Variants in CSNK1G1 observed in about 807,000 individuals in gnomAD.
CSNK1G1 encodes the protein casein kinase 1 gamma 1.
In CSNK1G1, 22 loss-of-function variants were observed where a neutral mutation model predicts 59.6. The observed-to-expected ratio is 0.37, with a 90% CI of 0.26 to 0.53. The LOEUF (loss-of-function observed/expected upper bound fraction) is 0.53, where lower values mean the gene tolerates loss of function less well. CSNK1G1 is among the 20% of genes least tolerant of loss of function. The pLI, the probability that CSNK1G1 is intolerant of heterozygous loss-of-function variation, is 0.89. For missense variants in CSNK1G1, 384 were observed against 519.5 expected (o/e 0.74, Z 2.54); for synonymous variants, 179 against 177.1 (o/e 1.01, Z -0.08).
Position 64,283,927 on chromosome 15 carries a change from T to G in CSNK1G1, c.181+16392A>C, listed in dbSNP as rs188876692. On this transcript the variant is annotated intron_variant, in intron 2 of 11. Transcript: ENST00000303052. ...ACTGGCAAATATGAGGGCAGTAAGA[T>G]TCATCCTTATGTTTGTTTTTTTTAA... 1.4e-4 allele frequency among the ~76,000 whole-genome samples: 21 copies of G among 152,340 alleles called. No individual in the cohort carries two copies. The East Asian group carries it at 3.9e-3, about 28-fold the overall frequency.
intron 2 of CSNK1G1, among the ~76,000 whole-genome samples, chr15:64,287,781 A>G (rs1031992084): frequency 2.0e-5 from 3 of 152,234 alleles, no homozygotes; most frequent in Non-Finnish European, 2.9e-5. Flanking sequence ...ACCAGAATAC[A>G]CAAAAGTATG....
At chr15:64,309,309 A>AAC (rs66467610) in intron 1 of CSNK1G1, among the ~76,000 whole-genome samples, 7,228 of 146,314 alleles carry the variant, frequency 0.049, 179 homozygotes, top group South Asian at 0.068. Flanking sequence ...TAGTGAATAA[A>AAC]ACACACACAC....
At chr15:64,309,031 A>T (rs2140418265) in intron 1 of CSNK1G1, among the ~76,000 whole-genome samples, 1 of 152,258 alleles carries the variant, frequency 6.6e-6, no homozygotes, top group East Asian at 1.9e-4. Flanking sequence ...CAAGGCTTCC[A>T]AAGGGCCCTG....
chr15:64,335,640 C>A (rs1195871678), intron 1 of CSNK1G1: 1 of 152,030 alleles, frequency 6.6e-6, no homozygotes, highest in African/African-American at 2.4e-5. Flanking sequence ...CTTTAATAAC[C>A]AACTTTAACA....
chr15:64,223,461 T>A (rs1031616251), intron 4 of CSNK1G1, among the ~76,000 whole-genome samples: 1 of 152,132 alleles, frequency 6.6e-6, no homozygotes, highest in Non-Finnish European at 1.5e-5. Context: ...GCAAGGAAGA[T>A]ATGTGCTGGA....
chr15:64,182,215 C>T (rs7161824), intron 10 of CSNK1G1, among the ~76,000 whole-genome samples: 116 of 151,916 alleles, frequency 7.6e-4, no homozygotes, highest in African/African-American at 2.5e-3. Context: ...AGGTATGTGC[C>T]ACCACACCTG....
intron 3 of CSNK1G1, among the ~76,000 whole-genome samples, chr15:64,253,452 AC>A (rs527332874): frequency 5.5e-4 from 84 of 152,234 alleles, no homozygotes; most frequent in Middle Eastern, 3.4e-3. Context: ...AGAAACTGGA[AC>A]CCTTGTGCAC....
chr15:64,271,239 C>T (rs1016440703), intron 2 of CSNK1G1, among the ~76,000 whole-genome samples: 1 of 151,810 alleles, frequency 6.6e-6, no homozygotes, highest in African/African-American at 2.4e-5. Context: ...CCGCCTGTCT[C>T]AGCCTGCCAA....
At chr15:64,296,092 C>A (rs192304995) in intron 2 of CSNK1G1, among the ~76,000 whole-genome samples, 1 of 152,104 alleles carries the variant, frequency 6.6e-6, no homozygotes, top group Non-Finnish European at 1.5e-5. Context: ...CTTTATTAAC[C>A]TTCTCTGCCA....
chr15:64,207,607 A>G lies in CSNK1G1; in HGVS notation c.680-13T>C, dbSNP rs1388144644. ...CTCCGGCTTTGCTCTAAAAGGGAAG[A>G]CAGATCACACATTATGTTTGCAGTT... On this transcript the variant is annotated splice_polypyrimidine_tract_variant and intron_variant, in intron 6 of 11. Coordinates refer to ENST00000303052, the MANE Select transcript of CSNK1G1 (RefSeq NM_022048.5). 6.3e-7 allele frequency: 1 copy of G among 1,589,380 alleles called. No individual in the cohort carries two copies.
rs964200139 is a variant in CSNK1G1 at position 64,354,853 on chromosome 15, A to G, written c.-225+1135T>C. Among the ~76,000 whole-genome samples, 4 of 152,234 alleles carry G rather than the reference A, an allele frequency of 2.6e-5. No individual in the cohort carries two copies. In the East Asian group the frequency reaches 7.7e-4, roughly 29 times the overall value. The stretch of plus-strand genomic sequence containing the variant: ...CAGTAACTAGCAACTGGCATAGTCT[A>G]GGTTCAACCCAAGATTTATCTGCCT... On this transcript the variant is annotated intron_variant, in intron 1 of 11. Transcript: ENST00000303052.
At position 64,278,427 on chromosome 15, in the gene CSNK1G1, TATATA is replaced by T. The variant is rs764028496; in HGVS notation, c.182-19191_182-19187del. On this transcript the variant is annotated intron_variant, in intron 2 of 11. Transcript: ENST00000303052. ...GTGTGTGTGTGTGTGTGTATATATA[TATATA>T]TTTTTTTTTTTTTGGACACAGAGTC... 5.6e-4 allele frequency among the ~76,000 whole-genome samples: 74 copies of T among 131,406 alleles called. 1 individual carries two copies. The highest frequency in any genetic ancestry group is 1.5e-3 in the African/African-American group (42 of 27,698). 86.2% of individuals were successfully genotyped at this position (131,406 alleles called of 152,430 possible).
chr15:64,242,388 T>G (rs1054038659), intron 4 of CSNK1G1, among the ~76,000 whole-genome samples: 13 of 152,110 alleles, frequency 8.5e-5, no homozygotes, highest in African/African-American at 3.1e-4. Context: ...GGTCATTTTT[T>G]CCCCCACTTT....
At chr15:64,212,603 C>G (rs2082262143) in intron 6 of CSNK1G1, among the ~76,000 whole-genome samples, 1 of 152,178 alleles carries the variant, frequency 6.6e-6, no homozygotes, top group Non-Finnish European at 1.5e-5. Context: ...GTAACCCTAG[C>G]TACTGAGGCT....
At chr15:64,215,313 C>T (rs908158807) in intron 5 of CSNK1G1, among the ~76,000 whole-genome samples, 1 of 149,674 alleles carries the variant, frequency 6.7e-6, no homozygotes, top group South Asian at 2.1e-4. Flanking sequence ...CCTGGGTTCA[C>T]GCCATTCTCC....
intron 1 of CSNK1G1, among the ~76,000 whole-genome samples, chr15:64,351,398 T>G (rs1015298346): frequency 6.6e-6 from 1 of 152,220 alleles, no homozygotes; most frequent in Non-Finnish European, 1.5e-5. Flanking sequence ...TAAACAAAGG[T>G]TTAGTCATTT....
Position 64,216,559 on chromosome 15 carries a change from T to C in CSNK1G1, c.444+3A>G. The C allele has an allele frequency of 1.9e-6, 3 of 1,613,584 alleles. No individual in the cohort carries two copies. The highest frequency in any genetic ancestry group is 1.1e-5 in the South Asian group (1 of 91,056). Reference sequence around the variant, plus strand: ...CTCTTCTAGAAGAGCAATTCCAACTTACCAGCTGGATGGCTATCATTAACA... The same window carrying C: ...CTCTTCTAGAAGAGCAATTCCAACTCACCAGCTGGATGGCTATCATTAACA... On this transcript the variant is annotated splice_donor_region_variant and intron_variant, in intron 5 of 11. Coordinates refer to ENST00000303052, the MANE Select transcript of CSNK1G1 (RefSeq NM_022048.5). The surrounding 1 kb of genome is among the most constrained non-coding windows in gnomAD (Gnocchi z 4.6).
At chr15:64,309,890 G>A (rs1296529652) in intron 1 of CSNK1G1, among the ~76,000 whole-genome samples, 1 of 151,972 alleles carries the variant, frequency 6.6e-6, no homozygotes, top group Admixed American at 6.6e-5. Flanking sequence ...CAAGATGATC[G>A]CTTGAGCCGA....
intron 4 of CSNK1G1, among the ~76,000 whole-genome samples, chr15:64,250,751 C>CAAGA (rs979834233): frequency 4.8e-5 from 7 of 145,120 alleles, no homozygotes; most frequent in Admixed American, 2.0e-4. Context: ...GTCTCCAAAA[C>CAAGA]AAGAAAGAAA....
Sources: allele counts gnomAD v4.1 joint callset (sites outside exome capture counted in the v4.1 genomes callset), GRCh38; gene constraint gnomAD v4.1.1; non-coding constraint Gnocchi (gnomAD v3.1); transcripts MANE v1.5; gene names NCBI Gene and HGNC (gene_info 2026-07-23, HGNC 2026-07-21).